WWOX: variants seen among roughly 807,000 people sequenced by gnomAD.
The protein encoded by WWOX is WW domain containing oxidoreductase.
In WWOX, 69 loss-of-function variants were observed where a neutral mutation model predicts 46.2. The ratio of observed to expected loss-of-function variants is 1.49; its 90% CI spans 1.23 to 1.82. The LOEUF is 1.82. Among genes scored for constraint, WWOX ranks in the 40% most tolerant of loss-of-function variants. The pLI is 0.00. For synonymous variants in WWOX, 359 were observed against 202.6 expected, an observed-to-expected ratio of 1.77 and a Z score of -6.56; for missense variants, 919 against 542.6, an observed-to-expected ratio of 1.69 and a Z score of -6.89.
chr16:78,107,233 C>A (rs2032202788), intron 1 of WWOX, among the ~76,000 whole-genome samples: 2 of 152,166 alleles, frequency 1.3e-5, no homozygotes, highest in South Asian at 4.1e-4. Context: ...CTGGCTGTTT[C>A]CCTTTTGAAA....
intron 8 of WWOX, among the ~76,000 whole-genome samples, chr16:78,717,520 G>A (rs757988930): frequency 1.1e-4 from 16 of 152,150 alleles, no homozygotes; most frequent in Non-Finnish European, 1.5e-4. Flanking sequence ...TGTTGGAAGG[G>A]TCTGCTGTGA....
intron 6 of WWOX, among the ~76,000 whole-genome samples, chr16:78,390,011 T>C (rs1383870999): frequency 6.6e-6 from 1 of 152,214 alleles, no homozygotes; most frequent in Non-Finnish European, 1.5e-5. Flanking sequence ...CCTCCCAAAC[T>C]GCTGGAATTA....
intron 4 of WWOX, among the ~76,000 whole-genome samples, chr16:78,156,094 G>A (rs2034587287): frequency 6.6e-6 from 1 of 152,172 alleles, no homozygotes; most frequent in African/African-American, 2.4e-5. Context: ...TTAGATAAAG[G>A]AAGATGTAAG....
intron 4 of WWOX, among the ~76,000 whole-genome samples, chr16:78,149,561 C>T (rs1019212997): frequency 6.6e-6 from 1 of 152,154 alleles, no homozygotes; most frequent in Non-Finnish European, 1.5e-5. Context: ...CAATTCTGTG[C>T]CTTGATGGGA....
At chr16:78,304,139 C>G (rs2080091777) in intron 5 of WWOX, among the ~76,000 whole-genome samples, 1 of 152,166 alleles carries the variant, frequency 6.6e-6, no homozygotes, top group African/African-American at 2.4e-5. Flanking sequence ...CAAAGTGTTT[C>G]CTTCCCGTGG....
intron 8 of WWOX, among the ~76,000 whole-genome samples, chr16:78,813,951 C>G (rs951574618): frequency 6.6e-6 from 1 of 152,322 alleles, no homozygotes; most frequent in South Asian, 2.1e-4. Context: ...TGAAGCTTGT[C>G]TCCCCACCCC....
chr16:79,013,714 C>T (rs2047358305), intron 8 of WWOX, among the ~76,000 whole-genome samples: 2 of 152,216 alleles, frequency 1.3e-5, no homozygotes, highest in South Asian at 4.1e-4. Context: ...AATCTGAAAT[C>T]AGATGGGAGC....
chr16:79,193,374 G>C (rs1471015444), intron 8 of WWOX, among the ~76,000 whole-genome samples: 1 of 152,204 alleles, frequency 6.6e-6, no homozygotes, highest in Non-Finnish European at 1.5e-5. Flanking sequence ...TCGATGTAGG[G>C]CATCTCCCCA....
chr16:78,241,758 A>G (rs372896666), intron 5 of WWOX, among the ~76,000 whole-genome samples: 121 of 152,212 alleles, frequency 7.9e-4, no homozygotes, highest in African/African-American at 2.3e-3. Context: ...CACTGTTGCT[A>G]TTGATGATTA....
At chr16:78,539,753 G>T (rs763963541) in intron 8 of WWOX, among the ~76,000 whole-genome samples, 19 of 152,114 alleles carry the variant, frequency 1.2e-4, no homozygotes, top group African/African-American at 4.6e-4. Flanking sequence ...TGCTAATGTC[G>T]GGGTGAGATG....
intron 8 of WWOX, among the ~76,000 whole-genome samples, chr16:79,196,772 G>T (rs909565102): frequency 1.3e-5 from 2 of 151,956 alleles, no homozygotes; most frequent in Non-Finnish European, 2.9e-5. Context: ...GATTTCACTT[G>T]TTGTAGAGAT....
chr16:78,297,223 G>A (rs902727695), intron 5 of WWOX, among the ~76,000 whole-genome samples: 4 of 152,050 alleles, frequency 2.6e-5, no homozygotes, highest in Non-Finnish European at 5.9e-5. Flanking sequence ...GCTCTCGCAC[G>A]GAGCATGCAG....
At chr16:79,050,193 T>C (rs1000738081) in intron 8 of WWOX, among the ~76,000 whole-genome samples, 1 of 152,180 alleles carries the variant, frequency 6.6e-6, no homozygotes, top group Admixed American at 6.5e-5. Context: ...AGGCTGGGCT[T>C]GGCTGCCCTG....
chr16:78,673,795 C>G lies in WWOX; in HGVS notation c.1056+241043C>G, dbSNP rs1454920383. Among the ~76,000 whole-genome samples the G allele has an allele frequency of 2.0e-5, 3 of 152,184 alleles. No homozygotes were observed. In the East Asian group the frequency reaches 5.8e-4, roughly 29 times the overall value. On this transcript the variant is annotated intron_variant, in intron 8 of 8. Coordinates refer to ENST00000566780, the MANE Select transcript of WWOX (RefSeq NM_016373.4). ...CAATACAACCCTTTCTTTGATGTCC[C>G]AATTCTATATTTAAATAGTGCAAGA... is the stretch of plus-strand genomic sequence containing the variant.
intron 8 of WWOX, among the ~76,000 whole-genome samples, chr16:79,009,607 C>A (rs923281283): frequency 2.0e-5 from 3 of 152,156 alleles, no homozygotes; most frequent in African/African-American, 7.2e-5. Flanking sequence ...CATGCCACCA[C>A]ACCTGACTAA....
At chr16:78,752,734 C>T (rs1000224828) in intron 8 of WWOX, among the ~76,000 whole-genome samples, 2 of 152,172 alleles carry the variant, frequency 1.3e-5, no homozygotes, top group African/African-American at 2.4e-5. Context: ...AGTTTATATG[C>T]CCTGTCTTCT....
At chr16:78,848,344 C>T (rs151030688) in intron 8 of WWOX, among the ~76,000 whole-genome samples, 67 of 152,318 alleles carry the variant, frequency 4.4e-4, no homozygotes, top group Middle Eastern at 3.4e-3. Flanking sequence ...CCTTCCCAGA[C>T]AGTCTAACTA....
chr16:78,310,915 A>G (rs1249098334), intron 5 of WWOX, among the ~76,000 whole-genome samples: 1 of 152,174 alleles, frequency 6.6e-6, no homozygotes, highest in Non-Finnish European at 1.5e-5. Flanking sequence ...GATGTACAGG[A>G]GCCAGGCTTG....
At chr16:78,872,991 C>T (rs543804540) in intron 8 of WWOX, 1 of 152,174 alleles carries the variant, frequency 6.6e-6, no homozygotes, top group African/African-American at 2.4e-5. Flanking sequence ...AAGATGAGGT[C>T]TTGCTATGCT....
Sources: allele counts gnomAD v4.1 joint callset (sites outside exome capture counted in the v4.1 genomes callset), GRCh38; gene constraint gnomAD v4.1.1; transcripts MANE v1.5; gene names NCBI Gene and HGNC (gene_info 2026-07-23, HGNC 2026-07-21).